SPTSSA: variants seen among roughly 807,000 people sequenced by gnomAD.
SPTSSA encodes the protein serine palmitoyltransferase small subunit A, also known as small subunit of serine palmitoyltransferase A.
A neutral mutation model predicts 9.1 loss-of-function variants in SPTSSA; 8 were observed. The ratio of observed to expected loss-of-function variants is 0.88; its 90% CI spans 0.51 to 1.58. SPTSSA has a LOEUF of 1.58. Ranked by LOEUF, SPTSSA falls within the 40% of genes most tolerant of loss-of-function variation. The pLI, the probability that SPTSSA is intolerant of heterozygous loss-of-function variation, is 0.00. For missense variants in SPTSSA, 100 were observed against 93.8 expected, an observed-to-expected ratio of 1.07 and a Z score of -0.27; for synonymous variants, 42 against 37.7, an observed-to-expected ratio of 1.11 and a Z score of -0.41.
At chr14:34,436,044 T>A (rs1451117540) in intron 1 of SPTSSA, among the ~76,000 whole-genome samples, 1 of 152,202 alleles carries the variant, frequency 6.6e-6, no homozygotes, top group Non-Finnish European at 1.5e-5. Context: ...CTAATAAGAA[T>A]GTATGATCAA....
chr14:34,450,413 T>C (rs1190273004), intron 1 of SPTSSA, among the ~76,000 whole-genome samples: 2 of 152,244 alleles, frequency 1.3e-5, no homozygotes, highest in South Asian at 4.1e-4. Flanking sequence ...CTGTTTCACA[T>C]GTACACAAAG....
intron 1 of SPTSSA, among the ~76,000 whole-genome samples, chr14:34,436,628 A>G (rs1352362357): frequency 6.6e-6 from 1 of 152,240 alleles, no homozygotes; most frequent in East Asian, 1.9e-4. Context: ...ATAACAGGTT[A>G]GTTGACAAAT....
rs960310541 is a variant in SPTSSA at position 34,432,833 on chromosome 14, G to GT, written c.*2367dup. The GT allele has an allele frequency of 6.6e-6, 1 of 150,770 alleles. No individual in the cohort carries two copies. Among genetic ancestry groups the GT allele is most frequent in the African/African-American group, 2.4e-5 (1 of 40,964 alleles). 9.3% of individuals were successfully genotyped at this position (150,770 alleles called of 1,614,324 possible). On this transcript the variant is annotated 3_prime_UTR_variant, in exon 2 of 2. Coordinates refer to ENST00000298130, the MANE Select transcript of SPTSSA (RefSeq NM_138288.4). The stretch of plus-strand genomic sequence containing the variant: ...TCTTTAATTAAGATAGGTATATTGG[G>GT]TGTTTTTTTTTTTTAGCCATAATGC...
At chr14:34,442,524 C>T (rs1341319924) in intron 1 of SPTSSA, among the ~76,000 whole-genome samples, 1 of 152,220 alleles carries the variant, frequency 6.6e-6, no homozygotes, top group Non-Finnish European at 1.5e-5. Context: ...TCAACCTGCC[C>T]AAAGGGGATG....
chr14:34,450,704 C>T (rs1032697448), intron 1 of SPTSSA, among the ~76,000 whole-genome samples: 4 of 152,190 alleles, frequency 2.6e-5, no homozygotes, highest in Non-Finnish European at 5.9e-5. Context: ...TTTGACAGAG[C>T]ACCCCTACTG....
intron 1 of SPTSSA, among the ~76,000 whole-genome samples, chr14:34,450,929 CATAT>C (rs1883509119): frequency 1.3e-5 from 2 of 151,822 alleles, no homozygotes; most frequent in South Asian, 4.2e-4. Flanking sequence ...GATGTGAAGC[CATAT>C]ATAGAATCTG....
intron 1 of SPTSSA, among the ~76,000 whole-genome samples, chr14:34,438,811 T>C (rs1472807590): frequency 2.0e-5 from 3 of 152,184 alleles, no homozygotes; most frequent in South Asian, 2.1e-4. Flanking sequence ...ACTTAGATGA[T>C]AGAAAGTTCC....
intron 1 of SPTSSA, among the ~76,000 whole-genome samples, chr14:34,449,503 C>CTT (rs35238717): frequency 1.1e-4 from 14 of 123,730 alleles, no homozygotes; most frequent in Non-Finnish European, 1.9e-4. Context: ...CCCGGCCTCC[C>CTT]TTTTTTTTTT....
At chr14:34,438,611 A>G (rs2138817327) in intron 1 of SPTSSA, among the ~76,000 whole-genome samples, 1 of 152,216 alleles carries the variant, frequency 6.6e-6, no homozygotes, top group East Asian at 1.9e-4. Context: ...ACCTCTTCCT[A>G]CGAGTCCAAT....
chr14:34,461,845 C>A (rs1878623440), intron 1 of SPTSSA, among the ~76,000 whole-genome samples: 1 of 152,174 alleles, frequency 6.6e-6, no homozygotes, highest in Non-Finnish European at 1.5e-5. Flanking sequence ...GGAATCAAGA[C>A]GCTTCCCCCT....
chr14:34,457,970 GGAAAA>G (rs1236386809), intron 1 of SPTSSA, among the ~76,000 whole-genome samples: 2 of 83,388 alleles, frequency 2.4e-5, no homozygotes, highest in African/African-American at 9.7e-5. Context: ...AGACTGTCTC[GGAAAA>G]AAAAAAAAAA....
At chr14:34,450,235 T>C (rs1883495877) in intron 1 of SPTSSA, among the ~76,000 whole-genome samples, 1 of 152,218 alleles carries the variant, frequency 6.6e-6, no homozygotes, top group Non-Finnish European at 1.5e-5. Context: ...AAGTTCATCC[T>C]GCTACTAATT....
chr14:34,453,883 T>TAAA (rs1347267831), intron 1 of SPTSSA, among the ~76,000 whole-genome samples: 75 of 140,516 alleles, frequency 5.3e-4, no homozygotes, highest in African/African-American at 2.1e-3. Context: ...GTTTGTTCTT[T>TAAA]TAAAAAAAAA....
chr14:34,458,111 A>G (rs1379863963), intron 1 of SPTSSA, among the ~76,000 whole-genome samples: 5 of 152,180 alleles, frequency 3.3e-5, no homozygotes, highest in African/African-American at 9.6e-5. Context: ...TTGACCCAAT[A>G]GATGCTTTTC....
At chr14:34,448,975 G>A (rs1350731806) in intron 1 of SPTSSA, among the ~76,000 whole-genome samples, 1 of 152,088 alleles carries the variant, frequency 6.6e-6, no homozygotes, top group Non-Finnish European at 1.5e-5. Context: ...ACTCCAGCCT[G>A]GATGACAGAG....
At chr14:34,449,870 TA>T (rs1883490078) in intron 1 of SPTSSA, among the ~76,000 whole-genome samples, 1 of 152,238 alleles carries the variant, frequency 6.6e-6, no homozygotes, top group African/African-American at 2.4e-5. Flanking sequence ...TAACAGAGTA[TA>T]CCGGCTATAA....
chr14:34,451,178 T>C (rs1883513892), intron 1 of SPTSSA, among the ~76,000 whole-genome samples: 1 of 152,110 alleles, frequency 6.6e-6, no homozygotes, highest in Non-Finnish European at 1.5e-5. Context: ...AACTCTAAAC[T>C]ATCATCACCC....
At chr14:34,457,567 T>C (rs375714229) in intron 1 of SPTSSA, among the ~76,000 whole-genome samples, 53 of 152,362 alleles carry the variant, frequency 3.5e-4, no homozygotes, top group African/African-American at 1.3e-3. Context: ...AATGCAGGTG[T>C]CATGTCCCAT....
At chr14:34,440,204 A>G (rs1267744000) in intron 1 of SPTSSA, among the ~76,000 whole-genome samples, 1 of 152,230 alleles carries the variant, frequency 6.6e-6, no homozygotes, top group African/African-American at 2.4e-5. Context: ...CATTTGATGA[A>G]CAGAGATGTT....
Sources: gnomAD v4.1 joint callset for allele counts (sites outside exome capture counted in the v4.1 genomes callset) on GRCh38, gnomAD v4.1.1 for gene constraint, MANE v1.5 for transcripts, NCBI Gene and HGNC (gene_info 2026-07-23, HGNC 2026-07-21) for gene names.